The following DLC1 variants were observed in gnomAD, a reference collection of about 807,000 sequenced individuals.
DLC1 encodes rho GTPase-activating protein 7.
Under a neutral mutation model 140.3 loss-of-function variants are expected in DLC1, and 54 were observed. The ratio of observed to expected loss-of-function variants is 0.38; its 90% confidence interval spans 0.31 to 0.48. DLC1 has a LOEUF of 0.48. Among genes scored for constraint, DLC1 ranks in the 20% least tolerant of loss-of-function variants. The pLI is 0.96. For missense variants in DLC1, 2,536 were observed against 1,907.0 expected (o/e 1.33, Z -6.14); for synonymous variants, 986 against 728.1 (o/e 1.35, Z -5.70).
chr8:13,357,981 T>C (rs1835027393), intron 4 of DLC1, among the ~76,000 whole-genome samples: 1 of 152,216 alleles, frequency 6.6e-6, no homozygotes, highest in Non-Finnish European at 1.5e-5. Flanking sequence ...AGGTATGGTC[T>C]TTATTCACTT....
intron 1 of DLC1, among the ~76,000 whole-genome samples, chr8:13,587,382 G>A (rs1805359467): frequency 6.6e-6 from 1 of 151,808 alleles, no homozygotes; most frequent in Admixed American, 6.6e-5. Context: ...GGATATCACA[G>A]ACACTTTCCA....
intron 4 of DLC1, among the ~76,000 whole-genome samples, chr8:13,381,297 C>T (rs896349104): frequency 1.3e-5 from 2 of 152,102 alleles, no homozygotes; most frequent in African/African-American, 2.4e-5. Flanking sequence ...AAAGTGTTCA[C>T]GTATCTCTAC....
At chr8:13,159,198 G>A (rs1824500847) in intron 5 of DLC1, among the ~76,000 whole-genome samples, 1 of 152,158 alleles carries the variant, frequency 6.6e-6, no homozygotes, top group Non-Finnish European at 1.5e-5. Context: ...GAAACTGTAA[G>A]AGATTGAGGC....
At chr8:13,116,712 A>G (rs1247674450) in intron 5 of DLC1, among the ~76,000 whole-genome samples, 1 of 152,206 alleles carries the variant, frequency 6.6e-6, no homozygotes, top group Admixed American at 6.5e-5. Flanking sequence ...TTGGCCTTTG[A>G]AGAAAGGTAA....
At chr8:13,455,870 C>G (rs981035606) in intron 2 of DLC1, among the ~76,000 whole-genome samples, 1 of 152,000 alleles carries the variant, frequency 6.6e-6, no homozygotes, top group African/African-American at 2.4e-5. Flanking sequence ...CAGAGTAAGA[C>G]CCTACGTCTC....
At chr8:13,547,347 G>C (rs907248072) in intron 1 of DLC1, among the ~76,000 whole-genome samples, 7 of 151,918 alleles carry the variant, frequency 4.6e-5, no homozygotes, top group Admixed American at 3.9e-4. Context: ...TTGTGTAAGA[G>C]GGGTTCTCTT....
intron 5 of DLC1, among the ~76,000 whole-genome samples, chr8:13,209,912 ATTTCT>A (rs1167223686): frequency 6.6e-6 from 1 of 152,134 alleles, no homozygotes; most frequent in African/African-American, 2.4e-5. Context: ...AGTTTCAGGT[ATTTCT>A]TTATAGCAAT....
intron 2 of DLC1, among the ~76,000 whole-genome samples, chr8:13,432,237 A>C (rs943710830): frequency 2.0e-5 from 3 of 152,228 alleles, no homozygotes; most frequent in African/African-American, 7.2e-5. Context: ...AGGCAACTTC[A>C]GAACAGATAT....
intron 1 of DLC1, among the ~76,000 whole-genome samples, chr8:13,525,323 A>G (rs1802886548): frequency 6.6e-6 from 1 of 152,216 alleles, no homozygotes; most frequent in African/African-American, 2.4e-5. Context: ...AAGTCATTGT[A>G]TGTATACATT....
intron 5 of DLC1, among the ~76,000 whole-genome samples, chr8:13,199,072 AC>A (rs1239575439): frequency 1.3e-5 from 2 of 152,080 alleles, no homozygotes; most frequent in African/African-American, 4.8e-5. Context: ...ATAGCAACTT[AC>A]AGCTTAAAAG....
At chr8:13,238,489 G>A (rs1829395015) in intron 5 of DLC1, among the ~76,000 whole-genome samples, 1 of 151,772 alleles carries the variant, frequency 6.6e-6, no homozygotes, top group South Asian at 2.1e-4. Context: ...CTCCAGCCTG[G>A]GTGACAGAGC....
intron 5 of DLC1, among the ~76,000 whole-genome samples, chr8:13,165,900 G>C (rs905285977): frequency 2.0e-5 from 3 of 152,144 alleles, no homozygotes; most frequent in African/African-American, 4.8e-5. Context: ...GATGAGTCTA[G>C]AAGGGCAGAT....
At chr8:13,461,792 C>T (rs11785480) in intron 2 of DLC1, among the ~76,000 whole-genome samples, 36,673 of 152,052 alleles carry the variant, frequency 0.24, 5,434 homozygotes, top group Middle Eastern at 0.38. Flanking sequence ...GGAGCCTCAT[C>T]TCTCCTCTCT....
chr8:13,476,672 T>C (rs954755872), intron 2 of DLC1, among the ~76,000 whole-genome samples: 4 of 152,156 alleles, frequency 2.6e-5, no homozygotes, highest in African/African-American at 9.7e-5. Context: ...TTCTTATAAG[T>C]TTTTATTCTT....
At chr8:13,471,614 C>T (rs549315517) in intron 2 of DLC1, among the ~76,000 whole-genome samples, 61 of 151,754 alleles carry the variant, frequency 4.0e-4, no homozygotes, top group African/African-American at 1.3e-3. Context: ...ATGAAATGAT[C>T]TGTACAACAA....
chr8:13,530,476 T>A (rs535265949), intron 1 of DLC1, among the ~76,000 whole-genome samples: 2 of 152,262 alleles, frequency 1.3e-5, no homozygotes, highest in East Asian at 1.9e-4. Flanking sequence ...TCTGAAGACA[T>A]ATCTGTGTTT....
intron 5 of DLC1, among the ~76,000 whole-genome samples, chr8:13,285,250 T>C (rs1342603542): frequency 6.6e-6 from 1 of 152,166 alleles, no homozygotes; most frequent in Non-Finnish European, 1.5e-5. Flanking sequence ...GTTGATTTTT[T>C]TTATAATGGT....
intron 4 of DLC1, among the ~76,000 whole-genome samples, chr8:13,373,456 G>C (rs867428962): frequency 4.6e-5 from 7 of 152,104 alleles, no homozygotes; most frequent in African/African-American, 1.2e-4. Context: ...TCCTCATCTT[G>C]TTAGTTAAAC....
chr8:13,263,094 A>G (rs1009426146), intron 5 of DLC1, among the ~76,000 whole-genome samples: 1 of 152,148 alleles, frequency 6.6e-6, no homozygotes, highest in Non-Finnish European at 1.5e-5. Flanking sequence ...TTTATCCAAT[A>G]TTTGGGGAAA....
Sources: gnomAD v4.1 joint callset for allele counts (sites outside exome capture counted in the v4.1 genomes callset) on GRCh38, gnomAD v4.1.1 for gene constraint, MANE v1.5 for transcripts, NCBI Gene and HGNC (gene_info 2026-07-23, HGNC 2026-07-21) for gene names.